Variants in PDGFRL observed in about 807,000 individuals in gnomAD.
PDGFRL encodes platelet-derived growth factor receptor-like protein.
PDGFRL carries 46 observed loss-of-function variants against 37.2 expected under a neutral mutation model. The ratio of observed to expected loss-of-function variants is 1.24; its 90% confidence interval spans 0.98 to 1.58. The LOEUF (loss-of-function observed/expected upper bound fraction) is 1.58. PDGFRL is among the 40% of genes most tolerant of loss of function. PDGFRL has a pLI of 0.00. For missense variants in PDGFRL, 692 were observed against 467.6 expected, an observed-to-expected ratio of 1.48 and a Z score of -4.43; for synonymous variants, 251 against 184.3, an observed-to-expected ratio of 1.36 and a Z score of -2.93.
chr8:17,595,048 GT>G, intron 2 of PDGFRL, among the ~76,000 whole-genome samples: 1 of 150,758 alleles, frequency 6.6e-6, no homozygotes, highest in South Asian at 2.1e-4. Context: ...TGATTTTACT[GT>G]TTGTGTTTTG....
chr8:17,626,082 A>C (rs1804728354), intron 3 of PDGFRL, among the ~76,000 whole-genome samples: 2 of 152,254 alleles, frequency 1.3e-5, no homozygotes. Context: ...ATCGCTTCAG[A>C]TTATTCTACA....
At chr8:17,630,825 C>A (rs1332058551) in intron 4 of PDGFRL, among the ~76,000 whole-genome samples, 4 of 126,710 alleles carry the variant, frequency 3.2e-5, no homozygotes, top group Non-Finnish European at 4.9e-5. Flanking sequence ...CTGTCACAAG[C>A]CCCCTTGGTG....
At chr8:17,641,869 C>G (rs1009679883) in intron 5 of PDGFRL, among the ~76,000 whole-genome samples, 2 of 136,970 alleles carry the variant, frequency 1.5e-5, no homozygotes, top group East Asian at 4.3e-4. Flanking sequence ...GTCATACTTA[C>G]AGGACATTGA....
chr8:17,630,640 C>A (rs1197817080), intron 4 of PDGFRL, among the ~76,000 whole-genome samples: 2 of 152,168 alleles, frequency 1.3e-5, no homozygotes, highest in Non-Finnish European at 2.9e-5. Context: ...CTCCCCTCCC[C>A]TCCCCTCCCC....
intron 2 of PDGFRL, among the ~76,000 whole-genome samples, chr8:17,595,099 A>G (rs1042095767): frequency 1.3e-5 from 2 of 151,866 alleles, no homozygotes; most frequent in African/African-American, 4.8e-5. Flanking sequence ...ATTTGCCAGC[A>G]CTCAGGGCCC....
At chr8:17,583,071 T>C (rs1308390954) in intron 1 of PDGFRL, among the ~76,000 whole-genome samples, 1 of 152,136 alleles carries the variant, frequency 6.6e-6, no homozygotes, top group Non-Finnish European at 1.5e-5. Flanking sequence ...TAAATAAACC[T>C]TGGAGGCTTC....
chr8:17,612,097 G>T (rs534271195), intron 2 of PDGFRL, among the ~76,000 whole-genome samples: 29 of 152,258 alleles, frequency 1.9e-4, no homozygotes, highest in African/African-American at 6.7e-4. Flanking sequence ...ACTCCAGTTG[G>T]CAGTGTTTCC....
intron 2 of PDGFRL, among the ~76,000 whole-genome samples, chr8:17,604,997 G>T (rs1804243395): frequency 6.6e-6 from 1 of 152,052 alleles, no homozygotes; most frequent in South Asian, 2.1e-4. Flanking sequence ...TGTGCCTATA[G>T]TCGTAGCTAC....
chr8:17,585,267 A>G (rs1345365525), intron 1 of PDGFRL, among the ~76,000 whole-genome samples: 6 of 151,840 alleles, frequency 4.0e-5, no homozygotes, highest in African/African-American at 1.5e-4. Flanking sequence ...TCTTGAGCCA[A>G]CCTCCTGTCT....
intron 2 of PDGFRL, among the ~76,000 whole-genome samples, chr8:17,607,055 C>T (rs541377147): frequency 4.9e-4 from 75 of 151,902 alleles, no homozygotes; most frequent in Admixed American, 1.4e-3. Flanking sequence ...GCCACCATGC[C>T]CTGCTAATTT....
intron 4 of PDGFRL, among the ~76,000 whole-genome samples, chr8:17,632,499 A>T (rs977167439): frequency 2.0e-5 from 3 of 152,014 alleles, no homozygotes; most frequent in Admixed American, 6.6e-5. Context: ...CACCATGCCC[A>T]GCTAATTTTG....
intron 2 of PDGFRL, among the ~76,000 whole-genome samples, chr8:17,619,164 T>G (rs1354647573): frequency 6.6e-6 from 1 of 152,234 alleles, no homozygotes; most frequent in African/African-American, 2.4e-5. Flanking sequence ...CATAAAAGTA[T>G]GTGGATCTCA....
chr8:17,608,287 A>C (rs1364773109), intron 2 of PDGFRL, among the ~76,000 whole-genome samples: 1 of 152,208 alleles, frequency 6.6e-6, no homozygotes, highest in Non-Finnish European at 1.5e-5. Flanking sequence ...ACATTGGAGC[A>C]GAGGTCAGAA....
chr8:17,616,668 C>A (rs996826892), intron 2 of PDGFRL, among the ~76,000 whole-genome samples: 1 of 152,164 alleles, frequency 6.6e-6, no homozygotes, highest in Non-Finnish European at 1.5e-5. Context: ...CCAAGACCCT[C>A]TTGGCCTAGA....
chr8:17,589,194 G>T (rs181693654), intron 1 of PDGFRL, among the ~76,000 whole-genome samples: 3 of 151,960 alleles, frequency 2.0e-5, no homozygotes, highest in African/African-American at 7.3e-5. Flanking sequence ...CCTGACCAAC[G>T]TGCTGAGACC....
chr8:17,632,017 C>A (rs565282955), intron 4 of PDGFRL, among the ~76,000 whole-genome samples: 1 of 152,164 alleles, frequency 6.6e-6, no homozygotes, highest in Admixed American at 6.5e-5. Context: ...TGAGATGCTT[C>A]GGGGTCCTCC....
chr8:17,628,784 A>G lies in PDGFRL; in HGVS notation c.799+4A>G. Reference sequence around the variant, plus strand: ...TACCAGCTGCTCTATGTGGCGGGTAAGCCTGGCCACCCCTGCCTAGATTCT... The same window carrying G: ...TACCAGCTGCTCTATGTGGCGGGTAGGCCTGGCCACCCCTGCCTAGATTCT... On this transcript the variant is annotated splice_donor_region_variant and intron_variant, in intron 4 of 5. Coordinates refer to ENST00000251630, the MANE Select transcript of PDGFRL (RefSeq NM_001372073.1). The G allele has an allele frequency of 1.2e-6, 2 of 1,608,290 alleles. No homozygotes were observed. Among genetic ancestry groups the G allele is most frequent in the Non-Finnish European group, 8.5e-7 (1 of 1,174,906 alleles).
chr8:17,578,490 A>C (rs1251296607), intron 1 of PDGFRL, among the ~76,000 whole-genome samples: 1 of 152,228 alleles, frequency 6.6e-6, no homozygotes, highest in Non-Finnish European at 1.5e-5. Flanking sequence ...AGTAACACTT[A>C]ACTCTGCCCA....
chr8:17,638,779 A>ATATG (rs1805031164), intron 5 of PDGFRL, among the ~76,000 whole-genome samples: 1 of 98,088 alleles, frequency 1.0e-5, no homozygotes, highest in African/African-American at 4.7e-5. Flanking sequence ...ATATATATAT[A>ATATG]TATATATAAT....
Sources: allele counts gnomAD v4.1 joint callset (sites outside exome capture counted in the v4.1 genomes callset), GRCh38; gene constraint gnomAD v4.1.1; transcripts MANE v1.5; gene names NCBI Gene and HGNC (gene_info 2026-07-23, HGNC 2026-07-21).